Variants in AFTPH observed in about 807,000 individuals in gnomAD.
AFTPH encodes the protein aftiphilin protein.
In AFTPH, 7 loss-of-function variants were observed where a neutral mutation model predicts 72.5. The observed-to-expected ratio is 0.10, with a 90% CI of 0.05 to 0.18. The LOEUF is 0.18. Among genes scored for constraint, AFTPH ranks in the 10% least tolerant of loss-of-function variants. The pLI, the probability that AFTPH is intolerant of heterozygous loss-of-function variation, is 1.00. For missense variants in AFTPH, 979 were observed against 1,060.5 expected, an observed-to-expected ratio of 0.92 and a Z score of 1.07; for synonymous variants, 337 against 370.1, an observed-to-expected ratio of 0.91 and a Z score of 1.03.
intron 6 of AFTPH, among the ~76,000 whole-genome samples, chr2:64,577,166 GTTCTTTTTTA>G (rs1672871371): frequency 6.6e-6 from 1 of 150,570 alleles, no homozygotes; most frequent in Non-Finnish European, 1.5e-5. Context: ...CCATGTTTTT[GTTCTTTTTTA>G]TTGTGACCTT....
At chr2:64,566,282 A>G (rs1672085880) in intron 2 of AFTPH, among the ~76,000 whole-genome samples, 1 of 152,188 alleles carries the variant, frequency 6.6e-6, no homozygotes, top group African/African-American at 2.4e-5. Flanking sequence ...CCAATATCAC[A>G]CACATGAATA....
chr2:64,557,111 AT>A (rs966328078), intron 2 of AFTPH, among the ~76,000 whole-genome samples: 121 of 151,838 alleles, frequency 8.0e-4, no homozygotes, highest in African/African-American at 2.8e-3. Context: ...AAGCCAGGAA[AT>A]TTTTTTTTAA....
intron 6 of AFTPH, among the ~76,000 whole-genome samples, chr2:64,577,820 C>T (rs1376921049): frequency 6.6e-6 from 1 of 152,164 alleles, no homozygotes; most frequent in Admixed American, 6.5e-5. Context: ...CCCTTGTACC[C>T]TTCACCAGTT....
chr2:64,567,807 AG>A lies in AFTPH; in HGVS notation c.2087+96del, dbSNP rs1672176085. 1.9e-5 allele frequency: 26 copies of A among 1,394,914 alleles called. No individual in the cohort carries two copies. The South Asian group carries it at 3.5e-4, about 19-fold the overall frequency. 86.4% of individuals were successfully genotyped at this position (1,394,914 alleles called of 1,614,324 possible). On this transcript the variant is annotated intron_variant, in intron 3 of 8. Transcript: ENST00000238856. ...ATCTTAAAACATTAAGGTTCAGGCC[AG>A]GCGCAGTGGATCACCTGAGGTCAGG...
chr2:64,591,274 C>T (rs1673808970), intron 8 of AFTPH, among the ~76,000 whole-genome samples: 3 of 152,344 alleles, frequency 2.0e-5, no homozygotes, highest in Non-Finnish European at 4.4e-5. Flanking sequence ...AGAGTTCCGT[C>T]CTGCCTGTGT....
chr2:64,564,796 C>T (rs1671958557), intron 2 of AFTPH, among the ~76,000 whole-genome samples: 3 of 151,578 alleles, frequency 2.0e-5, no homozygotes. Context: ...AAACTCATTA[C>T]AGGATGCCCT....
At chr2:64,582,885 T>C (rs1049524806) in intron 7 of AFTPH, among the ~76,000 whole-genome samples, 8 of 152,228 alleles carry the variant, frequency 5.3e-5, no homozygotes, top group African/African-American at 1.9e-4. Flanking sequence ...AATGACCTGA[T>C]AATCAGGCTC....
intron 5 of AFTPH, among the ~76,000 whole-genome samples, chr2:64,572,322 C>T (rs1672485373): frequency 6.6e-6 from 1 of 151,988 alleles, no homozygotes; most frequent in African/African-American, 2.4e-5. Context: ...CTTTGCCTGT[C>T]CAAGGAACTA....
At chr2:64,577,578 T>C (rs1672900764) in intron 6 of AFTPH, among the ~76,000 whole-genome samples, 1 of 152,218 alleles carries the variant, frequency 6.6e-6, no homozygotes, top group African/African-American at 2.4e-5. Flanking sequence ...ATTTTGTCCA[T>C]TCATTCAGTG....
chr2:64,570,910 T>TCCCCCCCCC (rs1270099419), intron 5 of AFTPH, among the ~76,000 whole-genome samples: 1 of 38,596 alleles, frequency 2.6e-5, no homozygotes, highest in Non-Finnish European at 4.7e-5. Flanking sequence ...ACTTCTTTCC[T>TCCCCCCCCC]CCCCTCCCCC....
chr2:64,533,146 C>A (rs1211921670), intron 1 of AFTPH, among the ~76,000 whole-genome samples: 1 of 151,976 alleles, frequency 6.6e-6, no homozygotes, highest in Non-Finnish European at 1.5e-5. Flanking sequence ...GCCTGTAATC[C>A]CAGCACTTTG....
chr2:64,582,441 C>G (rs773712986), intron 7 of AFTPH, among the ~76,000 whole-genome samples: 2 of 152,142 alleles, frequency 1.3e-5, no homozygotes, highest in African/African-American at 4.8e-5. Context: ...CTGGATTCCT[C>G]AAATCCAAGC....
In AFTPH at chr2:64,528,992, TAAG is replaced by T. The variant is rs1205113093; in HGVS notation, c.-33+4385_-33+4387del. On this transcript the variant is annotated intron_variant, in intron 1 of 8. Coordinates refer to ENST00000238856, the Ensembl canonical transcript of AFTPH. ...CAGGAGAGAATTGTGCTGGTAGAGT[TAAG>T]AAGAGATGGTAGTGGCATGAACCAA... Among the ~76,000 whole-genome samples, 3 of 152,234 alleles carry T rather than the reference TAAG, an allele frequency of 2.0e-5. No individual in the cohort carries two copies. In the East Asian group the frequency reaches 5.8e-4, roughly 29 times the overall value.
intron 7 of AFTPH, chr2:64,579,799 A>AT (rs1005105985): frequency 1.4e-5 from 5 of 354,434 alleles, no homozygotes; most frequent in African/African-American, 6.3e-5. Context: ...AAGCTTCTTT[A>AT]TTTTTTACAA....
intron 1 of AFTPH, among the ~76,000 whole-genome samples, chr2:64,543,549 T>A (rs984025492): frequency 6.6e-6 from 1 of 152,212 alleles, no homozygotes; most frequent in Non-Finnish European, 1.5e-5. Context: ...CTTATTTCTG[T>A]ATAAGATGTT....
chr2:64,533,333 A>C (rs1669727660), intron 1 of AFTPH, among the ~76,000 whole-genome samples: 1 of 152,200 alleles, frequency 6.6e-6, no homozygotes, highest in Admixed American at 6.5e-5. Context: ...CAGGAGGTCG[A>C]GGCTGCAGTG....
exon 2 of AFTPH, chr2:64,552,408 G>T (rs2103943155): frequency 6.2e-7 from 1 of 1,614,064 alleles, no homozygotes; most frequent in Non-Finnish European, 8.5e-7. Flanking sequence ...AGGTTTCAGT[G>T]TTGAAAAACA....
At chr2:64,562,492 T>G (rs1671802741) in intron 2 of AFTPH, among the ~76,000 whole-genome samples, 1 of 152,118 alleles carries the variant, frequency 6.6e-6, no homozygotes, top group Admixed American at 6.5e-5. Flanking sequence ...CAACATAATA[T>G]AGTGGTTAAG....
rs139054136 is a variant in AFTPH, at chr2:64,550,020, C to G, written c.-32-1423C>G. On this transcript the variant is annotated intron_variant, in intron 1 of 8. Coordinates refer to ENST00000238856, the Ensembl canonical transcript of AFTPH. ...ACTTGGGAAAACAGCTTGGCAGTTT[C>G]TTATAAAGTTGAGCATGCTACATGA... 3.3e-3 allele frequency among the ~76,000 whole-genome samples: 502 copies of G among 152,232 alleles called. 1 individual carries two copies. Among genetic ancestry groups the G allele is most frequent in the African/African-American group, 0.011 (477 of 41,532 alleles).
Sources: allele counts gnomAD v4.1 joint callset (sites outside exome capture counted in the v4.1 genomes callset), GRCh38; gene constraint gnomAD v4.1.1; transcripts MANE v1.5; gene names NCBI Gene and HGNC (gene_info 2026-07-23, HGNC 2026-07-21).